HHIPL2: variants seen among roughly 807,000 people sequenced by gnomAD.
The protein encoded by HHIPL2 is HHIP-like protein 2.
HHIPL2 carries 61 observed loss-of-function variants against 61.0 expected under a neutral mutation model. The observed-to-expected ratio is 1.00, with a 90% CI of 0.81 to 1.24. The LOEUF (loss-of-function observed/expected upper bound fraction) is 1.24, where lower values mean the gene tolerates loss of function less well. HHIPL2 is among the 50% of genes most tolerant of loss of function. The pLI is 0.00. For missense variants in HHIPL2, 885 were observed against 910.2 expected (o/e 0.97, Z 0.36); for synonymous variants, 343 against 357.4 (o/e 0.96, Z 0.45).
rs1427079838 is a variant in HHIPL2 at position 222,522,631 on chromosome 1, C to T, written c.2145G>A (p.Glu715=). The T allele has an allele frequency of 6.2e-7, 1 of 1,613,968 alleles. No homozygotes were observed. The highest frequency in any genetic ancestry group is 1.1e-5 in the South Asian group (1 of 91,072). Residue 715 remains glutamate (E), a synonymous_variant, in exon 9 of 9, where the codon GAG becomes GAA. Coordinates refer to ENST00000343410, the MANE Select transcript of HHIPL2 (RefSeq NM_024746.4). ...GGAGACTTCTGCCAGCTCGCTTCTG[C>T]TCTGCTGATGGCCTCATCCTGCCAC... ...SHSGRMRPSA[E]QKRAGRSLP
intron 6 of HHIPL2, among the ~76,000 whole-genome samples, chr1:222,531,458 C>T (rs191113114): frequency 6.6e-5 from 10 of 152,260 alleles, no homozygotes; most frequent in Admixed American, 5.2e-4. Flanking sequence ...ATTATAATTA[C>T]ATCATGGAGC....
At chr1:222,540,511 G>A (rs979175171) in intron 3 of HHIPL2, among the ~76,000 whole-genome samples, 170 bp from the exon 4 acceptor site, 1 of 152,190 alleles carries the variant, frequency 6.6e-6, no homozygotes, top group Non-Finnish European at 1.5e-5. Flanking sequence ...GCAAGTATGA[G>A]CTTGAAGATT....
rs1303644851 is a variant in HHIPL2 at position 222,542,009 on chromosome 1, T to A, written c.1118+3A>T. 2 of 1,606,592 alleles carry A rather than the reference T, an allele frequency of 1.2e-6. No individual in the cohort carries two copies. The highest frequency in any genetic ancestry group is 1.7e-6 in the Non-Finnish European group (2 of 1,178,348). ...ACAAGGGCCCGGCCCCCATCCAGCT[T>A]ACTTGTTCTGAGCATTTCCAAACAG... is the stretch of plus-strand genomic sequence containing the variant. On this transcript the variant is annotated splice_donor_region_variant and intron_variant, in intron 3 of 8. Coordinates refer to ENST00000343410, the MANE Select transcript of HHIPL2 (RefSeq NM_024746.4).
chr1:222,532,506 C>T (rs753079606), intron 5 of HHIPL2, among the ~76,000 whole-genome samples: 58 of 151,720 alleles, frequency 3.8e-4, no homozygotes, highest in African/African-American at 1.2e-3. Flanking sequence ...CCCAGCTACT[C>T]GGGAGGCTGA....
At chr1:222,541,472 A>C (rs1659431652) in intron 3 of HHIPL2, among the ~76,000 whole-genome samples, 1 of 152,100 alleles carries the variant, frequency 6.6e-6, no homozygotes, top group Non-Finnish European at 1.5e-5. Context: ...TTATGGAAAG[A>C]CTCCCTTGTG....
In HHIPL2 at chr1:222,538,709, A is replaced by T. The variant is rs1211110490; in HGVS notation, c.1516T>A (p.Tyr506Asn). Residue 506 changes from tyrosine to asparagine, a missense_variant, in exon 5 of 9, where the codon TAT becomes AAT. Physicochemically the swap from Tyr to Asn is moderately radical, Grantham distance 143. Transcript: ENST00000343410. Reference protein sequence around the residue: ...VGKSVTGGYVYRGCESPNLNG... With the variant: ...VGKSVTGGYVNRGCESPNLNG... Reference sequence around the variant, plus strand: ...AGATTTGGGGATTCACAACCACGATAGACATAACCTCCAGTGACTGACTTC... The same window carrying T: ...AGATTTGGGGATTCACAACCACGATTGACATAACCTCCAGTGACTGACTTC... The T allele has an allele frequency of 1.2e-6, 2 of 1,613,698 alleles. No individual in the cohort carries two copies. The highest frequency in any genetic ancestry group is 1.7e-6 in the Non-Finnish European group (2 of 1,179,674).
intron 3 of HHIPL2, among the ~76,000 whole-genome samples, 186 bp from the exon 4 acceptor site, chr1:222,540,527 T>C (rs1659409103): frequency 6.6e-6 from 1 of 152,226 alleles, no homozygotes; most frequent in Non-Finnish European, 1.5e-5. Flanking sequence ...AGATTTTCTT[T>C]TAAATCTATA....
chr1:222,538,248 GTATGTA>G (rs1659347558), intron 5 of HHIPL2, among the ~76,000 whole-genome samples: 1 of 128,522 alleles, frequency 7.8e-6, no homozygotes, highest in Non-Finnish European at 1.6e-5. Context: ...GTGTGTGTGT[GTATGTA>G]TGTCAACTTC....
In HHIPL2 at chr1:222,540,194, C is replaced by T. The variant is rs990523054; in HGVS notation, c.1266G>A (p.Trp422Ter). The change falls in exon 4 of 9, where the codon TGG becomes TGA. Residue 422 changes from tryptophan to a stop codon, truncating the protein, a stop_gained. Transcript: ENST00000343410. LOFTEE classifies it high-confidence loss of function. ...AIYAYGIRNM[W>*]RCAVDRGDPI... ...GGTCCCCTCGGTCCACAGCACAACG[C>T]CACATGTTCCTGATCCCATAGGCAT... is the stretch of plus-strand genomic sequence containing the variant. The T allele has an allele frequency of 1.9e-6, 3 of 1,614,284 alleles. No homozygotes were observed. Among genetic ancestry groups the T allele is most frequent in the Non-Finnish European group, 2.5e-6 (3 of 1,180,054 alleles).
chr1:222,533,859 G>A (rs1351325009), intron 5 of HHIPL2, among the ~76,000 whole-genome samples: 1 of 152,202 alleles, frequency 6.6e-6, no homozygotes, highest in African/African-American at 2.4e-5. Flanking sequence ...TGCAGTAAGA[G>A]ATTGCAGGAC....
At chr1:222,544,278 G>A (rs1007537986) in intron 1 of HHIPL2, 89 bp from the exon 2 acceptor site, 2 of 1,387,442 alleles carry the variant, frequency 1.4e-6, no homozygotes, top group Non-Finnish European at 1.9e-6. Flanking sequence ...AGAAAAAATG[G>A]TGCTAGGCGG....
In HHIPL2 at chr1:222,540,130, C is replaced by G; in HGVS notation, c.1330G>C (p.Asp444His). 6.2e-7 allele frequency: 1 copy of G among 1,614,282 alleles called. No individual in the cohort carries two copies. Among genetic ancestry groups the G allele is most frequent in the Non-Finnish European group, 8.5e-7 (1 of 1,180,046 alleles). Reference sequence around the variant, plus strand: ...TCTTCAAACCTGTTCTGGCCCACGTCCCCACAGAATATCCGGCCTCGGCCC... The same window carrying G: ...TCTTCAAACCTGTTCTGGCCCACGTGCCCACAGAATATCCGGCCTCGGCCC... The part of the protein sequence containing the change: ...RQGRGRIFCG[D>H]VGQNRFEEVD... The change falls in exon 4 of 9, where the codon GAC (aspartate) becomes CAC (histidine). Residue 444 changes from aspartate to histidine, a missense_variant. By Grantham distance (81) the Asp-to-His change is moderately conservative. Transcript: ENST00000343410.
intron 3 of HHIPL2, among the ~76,000 whole-genome samples, chr1:222,541,559 T>C (rs1659433193): frequency 6.6e-6 from 1 of 152,202 alleles, no homozygotes; most frequent in Non-Finnish European, 1.5e-5. Flanking sequence ...CCCTTGAAGG[T>C]TGCTAAAATT....
chr1:222,537,333 G>A (rs566420122), intron 5 of HHIPL2, among the ~76,000 whole-genome samples: 5 of 151,038 alleles, frequency 3.3e-5, no homozygotes, highest in Non-Finnish European at 4.4e-5. Context: ...TGATGTTACT[G>A]TGTAACATCA....
chr1:222,538,797 A>C, intron 4 of HHIPL2, 23 bp from the exon 5 acceptor site: 1 of 1,611,732 alleles, frequency 6.2e-7, no homozygotes, highest in Non-Finnish European at 8.5e-7. Flanking sequence ...GAGGAAAGAG[A>C]GTGAGTGTCG....
chr1:222,542,966 C>A (rs934653557), intron 2 of HHIPL2, among the ~76,000 whole-genome samples: 1 of 152,176 alleles, frequency 6.6e-6, no homozygotes, highest in African/African-American at 2.4e-5. Flanking sequence ...GTTAATCTAT[C>A]AGTTCTTTAT....
In HHIPL2 at chr1:222,522,732, G is replaced by A; in HGVS notation, c.2044C>T (p.Pro682Ser). The A allele has an allele frequency of 6.2e-7, 1 of 1,614,094 alleles. No individual in the cohort carries two copies. Among genetic ancestry groups the A allele is most frequent in the Non-Finnish European group, 8.5e-7 (1 of 1,180,022 alleles). ...PTSSKNTLRG[P>S]GTKKKARVGP... ...ACTCTGGCTTTCTTCTTTGTACCAG[G>A]CCCTCGCAATGTATTCTTGCTGCTT... The change falls in exon 9 of 9, where the codon CCT (proline) becomes TCT (serine). Residue 682 changes from proline (P) to serine (S), a missense_variant. Coordinates refer to ENST00000343410, the MANE Select transcript of HHIPL2 (RefSeq NM_024746.4).
chr1:222,522,876 C>G lies in HHIPL2; in HGVS notation c.1900G>C (p.Asp634His). The G allele has an allele frequency of 6.2e-7, 1 of 1,612,932 alleles. No homozygotes were observed. The highest frequency in any genetic ancestry group is 8.5e-7 in the Non-Finnish European group (1 of 1,179,372). The change falls in exon 9 of 9, where the codon GAC (aspartate) becomes CAC (histidine). Residue 634 changes from aspartate to histidine, a missense_variant. Asp to His is a moderately conservative substitution (Grantham distance 81). Transcript: ENST00000343410. ...PFRPLAKTVL[D>H]LLKEQSEKAA... ...TTCTCTGATTGTTCCTTTAGCAAGTCCAAGACTGTCTCTGAGAAATCAGTA... is the reference window on the plus strand; with the variant it reads ...TTCTCTGATTGTTCCTTTAGCAAGTGCAAGACTGTCTCTGAGAAATCAGTA...
At chr1:222,542,204 G>A in intron 2 of HHIPL2, 49 bp from the exon 3 acceptor site, 1 of 1,598,362 alleles carries the variant, frequency 6.3e-7, no homozygotes, top group Non-Finnish European at 8.5e-7. Flanking sequence ...ACAAGCTGAA[G>A]CTGCATCCTC....
Sources: gnomAD v4.1 joint callset for allele counts (sites outside exome capture counted in the v4.1 genomes callset) on GRCh38, gnomAD v4.1.1 for gene constraint, MANE v1.5 for transcripts, NCBI Gene and HGNC (gene_info 2026-07-23, HGNC 2026-07-21) for gene names.